LRRC4C: variants seen among roughly 807,000 people sequenced by gnomAD.
The protein encoded by LRRC4C is leucine rich repeat containing 4C.
LRRC4C carries 5 observed loss-of-function variants against 33.6 expected under a neutral mutation model. The observed-to-expected ratio is 0.15, with a 90% CI of 0.08 to 0.31. The LOEUF is 0.31. Ranked by LOEUF, LRRC4C falls within the 10% of genes least tolerant of loss-of-function variation. LRRC4C has a pLI of 1.00. For synonymous variants in LRRC4C, 329 were observed against 302.0 expected (o/e 1.09, Z -0.93); for missense variants, 560 against 796.7 (o/e 0.70, Z 3.58).
At chr11:40,469,314 G>T (rs1202548703) in intron 3 of LRRC4C, among the ~76,000 whole-genome samples, 13 of 152,306 alleles carry the variant, frequency 8.5e-5, no homozygotes, top group Non-Finnish European at 1.6e-4. Flanking sequence ...GGGAAGCCAT[G>T]AGGGACCATG....
At position 41,093,024 on chromosome 11, in the gene LRRC4C, T is replaced by A. The variant is rs1199682651; in HGVS notation, c.-495-159301A>T. On this transcript the variant is annotated intron_variant, in intron 1 of 6. Coordinates refer to ENST00000528697, the MANE Select transcript of LRRC4C (RefSeq NM_001258419.2). ...TTCTAGAACATAGTGTATATCTGAA[T>A]TAACAGTAGTAACGGTATTATGTTT... Among the ~76,000 whole-genome samples, 10 of 152,226 alleles carry A rather than the reference T, an allele frequency of 6.6e-5. No homozygotes were observed. The East Asian group carries it at 1.9e-3, about 29-fold the overall frequency.
chr11:40,153,668 G>A (rs560621978), intron 5 of LRRC4C, among the ~76,000 whole-genome samples: 1 of 151,692 alleles, frequency 6.6e-6, no homozygotes, highest in East Asian at 1.9e-4. Flanking sequence ...CTCAGCAATA[G>A]AATTGAACAA....
At chr11:41,369,453 C>G (rs1022768238) in intron 1 of LRRC4C, among the ~76,000 whole-genome samples, 1 of 151,720 alleles carries the variant, frequency 6.6e-6, no homozygotes, top group Non-Finnish European at 1.5e-5. Flanking sequence ...GGCTTCATAC[C>G]TGGGTGATGA....
chr11:40,124,502 C>T lies in LRRC4C; in HGVS notation c.-42-8168G>A, dbSNP rs1856059959. On this transcript the variant is annotated intron_variant, in intron 6 of 6. Coordinates refer to ENST00000528697, the MANE Select transcript of LRRC4C (RefSeq NM_001258419.2). ...AAAAAGAATGAGAAACTATCACTTG[C>T]AACAACATGGATGGAGCTGGAGGTC... Among the ~76,000 whole-genome samples the T allele has an allele frequency of 2.0e-5, 3 of 152,126 alleles. No individual in the cohort carries two copies. In the South Asian group the frequency reaches 6.2e-4, roughly 31 times the overall value.
At chr11:41,246,022 T>C (rs555990246) in intron 1 of LRRC4C, among the ~76,000 whole-genome samples, 3 of 152,232 alleles carry the variant, frequency 2.0e-5, no homozygotes, top group African/African-American at 7.2e-5. Flanking sequence ...TCCACAGAAC[T>C]GGTAGCCCAA....
chr11:40,531,775 A>T (rs1018913600), intron 3 of LRRC4C, among the ~76,000 whole-genome samples: 3 of 151,796 alleles, frequency 2.0e-5, no homozygotes, highest in South Asian at 4.2e-4. Flanking sequence ...GATCAAAGAG[A>T]CTCATTATAT....
chr11:40,450,272 G>T (rs150935153), intron 3 of LRRC4C, among the ~76,000 whole-genome samples: 7 of 152,192 alleles, frequency 4.6e-5, no homozygotes, highest in Non-Finnish European at 8.8e-5. Flanking sequence ...GATGTAAACA[G>T]ACTTCTAGGC....
intron 4 of LRRC4C, among the ~76,000 whole-genome samples, chr11:40,312,354 CA>C (rs1411282051): frequency 1.3e-5 from 2 of 152,126 alleles, no homozygotes; most frequent in Non-Finnish European, 2.9e-5. Context: ...TGATCTTGAA[CA>C]AATAAGTTAT....
intron 2 of LRRC4C, among the ~76,000 whole-genome samples, chr11:40,719,947 T>A (rs922619044): frequency 5.5e-4 from 83 of 152,048 alleles, no homozygotes; most frequent in Non-Finnish European, 8.4e-4. Context: ...AAAAAAAAAA[T>A]TTTAATTTGA....
At chr11:40,993,231 T>C (rs1853710898) in intron 1 of LRRC4C, among the ~76,000 whole-genome samples, 1 of 152,200 alleles carries the variant, frequency 6.6e-6, no homozygotes, top group African/African-American at 2.4e-5. Context: ...GGAGATATCT[T>C]TTGTTCTACT....
chr11:40,954,425 G>A (rs2136770946), intron 1 of LRRC4C, among the ~76,000 whole-genome samples: 1 of 151,914 alleles, frequency 6.6e-6, no homozygotes, highest in Admixed American at 6.6e-5. Flanking sequence ...TCAGCCTTGA[G>A]GCATTTGCAT....
chr11:40,332,692 C>T (rs1946416487), intron 3 of LRRC4C, among the ~76,000 whole-genome samples: 1 of 152,178 alleles, frequency 6.6e-6, no homozygotes. Flanking sequence ...AAAGCTAAAG[C>T]ACATTTAACT....
chr11:40,717,535 G>C (rs1564971388), intron 2 of LRRC4C, among the ~76,000 whole-genome samples: 1 of 152,070 alleles, frequency 6.6e-6, no homozygotes, highest in South Asian at 2.1e-4. Flanking sequence ...TCCTGTTTTA[G>C]AGGGTTGAAA....
At chr11:40,409,703 A>T (rs1950086198) in intron 3 of LRRC4C, among the ~76,000 whole-genome samples, 1 of 152,048 alleles carries the variant, frequency 6.6e-6, no homozygotes, top group Non-Finnish European at 1.5e-5. Flanking sequence ...TATCTATTGG[A>T]ATGGCCAACA....
At chr11:40,362,951 T>TAA (rs1318355657) in intron 3 of LRRC4C, among the ~76,000 whole-genome samples, 2 of 152,178 alleles carry the variant, frequency 1.3e-5, no homozygotes, top group Admixed American at 1.3e-4. Flanking sequence ...AGGGAACACT[T>TAA]ACACGCTGTT....
At chr11:40,544,479 C>T (rs756126648) in intron 3 of LRRC4C, among the ~76,000 whole-genome samples, 1 of 151,960 alleles carries the variant, frequency 6.6e-6, no homozygotes, top group Non-Finnish European at 1.5e-5. Flanking sequence ...TGCAGAGCTC[C>T]AAAGAAATGA....
intron 5 of LRRC4C, among the ~76,000 whole-genome samples, chr11:40,175,184 T>G (rs143326513): frequency 4.9e-4 from 75 of 152,372 alleles, no homozygotes; most frequent in Non-Finnish European, 8.5e-4. Flanking sequence ...TGTGTTAACC[T>G]TACCTGATGC....
At chr11:40,774,489 C>A (rs1187971742) in intron 2 of LRRC4C, among the ~76,000 whole-genome samples, 1 of 152,064 alleles carries the variant, frequency 6.6e-6, no homozygotes, top group African/African-American at 2.4e-5. Context: ...GGATAATATA[C>A]AGATGAATAT....
At position 40,192,364 on chromosome 11, in the gene LRRC4C, G is replaced by C. The variant is rs192976204; in HGVS notation, c.-96+49155C>G. On this transcript the variant is annotated intron_variant, in intron 5 of 6. Coordinates refer to ENST00000528697, the MANE Select transcript of LRRC4C (RefSeq NM_001258419.2). ...ATCGCCTCACCCAGGAAGCACAAAG[G>C]GTTGGGGAACTCCCTCCCCTAGCCA... Among the ~76,000 whole-genome samples, 607 of 152,252 alleles carry C rather than the reference G, an allele frequency of 4.0e-3. 2 individuals carry two copies. The highest frequency in any genetic ancestry group is 5.3e-3 in the Non-Finnish European group (363 of 68,020).
Sources: allele counts gnomAD v4.1 joint callset (sites outside exome capture counted in the v4.1 genomes callset), GRCh38; gene constraint gnomAD v4.1.1; transcripts MANE v1.5; gene names NCBI Gene and HGNC (gene_info 2026-07-23, HGNC 2026-07-21).